LIMCH1: variants seen among roughly 807,000 people sequenced by gnomAD.
LIMCH1 encodes LIM and calponin homology domains-containing protein 1.
In LIMCH1, 113 loss-of-function variants were observed where a neutral mutation model predicts 176.5. The ratio of observed to expected loss-of-function variants is 0.64; its 90% CI spans 0.55 to 0.75. The LOEUF is 0.75. Among genes scored for constraint, LIMCH1 ranks in the 30% least tolerant of loss-of-function variants. The pLI is 0.00. For synonymous variants in LIMCH1, 619 were observed against 645.9 expected (o/e 0.96, Z 0.63); for missense variants, 1,674 against 1,814.9 (o/e 0.92, Z 1.41).
chr4:41,582,835 G>A (rs533089451), intron 1 of LIMCH1, among the ~76,000 whole-genome samples: 1 of 152,272 alleles, frequency 6.6e-6, no homozygotes, highest in East Asian at 1.9e-4. Flanking sequence ...ATTTTTATAA[G>A]TTGGAGGGAA....
At chr4:41,411,348 T>C (rs1236047849) in intron 1 of LIMCH1, among the ~76,000 whole-genome samples, 1 of 152,198 alleles carries the variant, frequency 6.6e-6, no homozygotes, top group African/African-American at 2.4e-5. Context: ...CGAAAATTAC[T>C]ATGTTGCTGG....
At chr4:41,484,344 A>G (rs1253970520) in intron 1 of LIMCH1, among the ~76,000 whole-genome samples, 2 of 152,226 alleles carry the variant, frequency 1.3e-5, no homozygotes, top group South Asian at 4.1e-4. Context: ...GACATAAAAC[A>G]GGAATTTGGT....
At chr4:41,432,799 A>G (rs957363935) in intron 1 of LIMCH1, among the ~76,000 whole-genome samples, 3 of 152,228 alleles carry the variant, frequency 2.0e-5, no homozygotes, top group African/African-American at 7.2e-5. Flanking sequence ...TACAGGACAT[A>G]TGGGAGATCT....
intron 23 of LIMCH1, among the ~76,000 whole-genome samples, chr4:41,678,545 G>C (rs749595747): frequency 1.3e-5 from 2 of 152,172 alleles, no homozygotes; most frequent in African/African-American, 2.4e-5. Flanking sequence ...TTTCCACAAA[G>C]TGAAGTCAGG....
chr4:41,528,713 G>A, intron 3 of LIMCH1, among the ~76,000 whole-genome samples: 1 of 152,140 alleles, frequency 6.6e-6, no homozygotes, highest in East Asian at 1.9e-4. Context: ...ATGCCCGTGT[G>A]TCTTAATGGG....
At chr4:41,449,663 A>G in intron 1 of LIMCH1, among the ~76,000 whole-genome samples, 1 of 152,244 alleles carries the variant, frequency 6.6e-6, no homozygotes, top group East Asian at 1.9e-4. Context: ...AAAAAAATCC[A>G]GAAAAATGGA....
chr4:41,627,178 G>A (rs1013796084), intron 8 of LIMCH1, among the ~76,000 whole-genome samples, 168 bp downstream of exon 8: 5 of 151,972 alleles, frequency 3.3e-5, no homozygotes, highest in Non-Finnish European at 2.9e-5. Context: ...ATTTTGAAGC[G>A]GAACTTTAGA....
intron 1 of LIMCH1, among the ~76,000 whole-genome samples, chr4:41,440,815 T>A (rs2062627028): frequency 1.3e-5 from 2 of 152,180 alleles, no homozygotes. Context: ...ATTATAGGTA[T>A]AAGCCACCGC....
At position 41,684,536 on chromosome 4, in the gene LIMCH1, C is replaced by T. The variant is rs780597731; in HGVS notation, c.3967+18C>T. Reference sequence around the variant, plus strand: ...TGCTCAGGGTAAGAATGGAGAAGACCAGTTTCATTCAATGTTTAAATTGTT... The same window carrying T: ...TGCTCAGGGTAAGAATGGAGAAGACTAGTTTCATTCAATGTTTAAATTGTT... On this transcript the variant is annotated intron_variant, in intron 27 of 31. Transcript: ENST00000503057. 1.2e-6 allele frequency: 2 copies of T among 1,610,474 alleles called. No individual in the cohort carries two copies. Among genetic ancestry groups the T allele is most frequent in the Admixed American group, 3.4e-5 (2 of 59,392 alleles).
chr4:41,688,571 G>T (rs1262229582), intron 29 of LIMCH1, among the ~76,000 whole-genome samples: 1 of 152,150 alleles, frequency 6.6e-6, no homozygotes, highest in African/African-American at 2.4e-5. Flanking sequence ...TCTGTATCCT[G>T]CTGGTTTTCA....
intron 3 of LIMCH1, among the ~76,000 whole-genome samples, chr4:41,527,319 AGTGG>A (rs935323347): frequency 6.6e-6 from 1 of 152,200 alleles, no homozygotes; most frequent in African/African-American, 2.4e-5. Context: ...AAGGCCTGCA[AGTGG>A]TTTCGTATTC....
At chr4:41,582,785 G>A (rs977906771) in intron 1 of LIMCH1, among the ~76,000 whole-genome samples, 1 of 152,070 alleles carries the variant, frequency 6.6e-6, no homozygotes, top group African/African-American at 2.4e-5. Flanking sequence ...TGATCATGAT[G>A]TTGATATTTA....
intron 2 of LIMCH1, among the ~76,000 whole-genome samples, chr4:41,512,849 G>A (rs2075096409): frequency 1.3e-5 from 2 of 152,144 alleles, no homozygotes; most frequent in Admixed American, 1.3e-4. Context: ...ATAATCCTGT[G>A]AATGTACAAA....
chr4:41,662,091 C>G (rs917802353), intron 19 of LIMCH1: 2 of 161,144 alleles, frequency 1.2e-5, no homozygotes, highest in African/African-American at 4.8e-5. Flanking sequence ...TCTTTCAATA[C>G]CAAATTATTA....
At chr4:41,680,193 C>A in intron 24 of LIMCH1, 95 bp downstream of exon 24, 3 of 792,204 alleles carry the variant, frequency 3.8e-6, no homozygotes, top group South Asian at 1.6e-5. Flanking sequence ...ATGCATGTGG[C>A]TGTGTCTGAC....
intron 1 of LIMCH1, among the ~76,000 whole-genome samples, chr4:41,538,731 G>T (rs1355990108): frequency 1.3e-5 from 2 of 152,126 alleles, no homozygotes; most frequent in African/African-American, 4.8e-5. Context: ...TGGTGTTGTG[G>T]GGGAGATGTG....
chr4:41,613,485 G>A lies in LIMCH1; in HGVS notation c.29G>A (p.Ser10Asn), dbSNP rs759295458. 6.2e-7 allele frequency: 1 copy of A among 1,614,044 alleles called. No individual in the cohort carries two copies. Among genetic ancestry groups the A allele is most frequent in the Non-Finnish European group, 8.5e-7 (1 of 1,179,952 alleles). The change falls in exon 5 of 32, where the codon AGT (serine) becomes AAT (asparagine). Residue 10 changes from serine (S) to asparagine (N), a missense_variant. This residue lies in a region of LIMCH1 where 655 missense variants were observed against 692.2 expected (regional missense o/e 0.95). Transcript: ENST00000503057. ...TGACAGGACACTGATGACATTGAAA[G>A]TCCTAAACGCAGTATCCGAGACAGT... is the stretch of plus-strand genomic sequence containing the variant. MRKDTDDIE[S>N]PKRSIRDSGY... is the part of the protein sequence containing the mutation.
chr4:41,585,205 C>T (rs2086223216), intron 1 of LIMCH1, among the ~76,000 whole-genome samples: 1 of 152,220 alleles, frequency 6.6e-6, no homozygotes, highest in Non-Finnish European at 1.5e-5. Context: ...CCATTATCCC[C>T]TACCCTTACC....
chr4:41,612,848 TTTC>T, intron 4 of LIMCH1: 2 of 1,310,196 alleles, frequency 1.5e-6, no homozygotes, highest in Non-Finnish European at 2.0e-6. Flanking sequence ...TTTCATTGCC[TTTC>T]TTTTTTTTTT....
Sources: allele counts gnomAD v4.1 joint callset (sites outside exome capture counted in the v4.1 genomes callset), GRCh38; gene constraint gnomAD v4.1.1; regional missense constraint gnomAD v4.1.1; transcripts MANE v1.5; gene names NCBI Gene and HGNC (gene_info 2026-07-23, HGNC 2026-07-21).